The following DLC1 variants were observed in gnomAD, a reference collection of about 807,000 sequenced individuals.
DLC1 encodes the protein rho GTPase-activating protein 7.
A neutral mutation model predicts 140.3 loss-of-function variants in DLC1; 54 were observed. The observed-to-expected ratio is 0.38, with a 90% CI of 0.31 to 0.48. The LOEUF (loss-of-function observed/expected upper bound fraction) is 0.48, where lower values mean the gene tolerates loss of function less well. Among genes scored for constraint, DLC1 ranks in the 20% least tolerant of loss-of-function variants. The pLI is 0.96. For synonymous variants in DLC1, 986 were observed against 728.1 expected, an observed-to-expected ratio of 1.35 and a Z score of -5.70; for missense variants, 2,536 against 1,907.0, an observed-to-expected ratio of 1.33 and a Z score of -6.14.
intron 5 of DLC1, among the ~76,000 whole-genome samples, chr8:13,294,127 A>G (rs2117473664): frequency 6.6e-6 from 1 of 152,280 alleles, no homozygotes; most frequent in Non-Finnish European, 1.5e-5. Flanking sequence ...GTCTCCGCAA[A>G]CCACTGACCA....
rs577406536 is a variant in DLC1 at position 13,453,239 on chromosome 8, A to C, written c.1023+45810T>G. 1.1e-4 allele frequency among the ~76,000 whole-genome samples: 16 copies of C among 148,570 alleles called. No individual in the cohort carries two copies. In the South Asian group the frequency reaches 3.4e-3, roughly 31 times the overall value. ...GAATGTAATGTAATGATATATAAGC[A>C]AGCATTAAGAAGACTAAAGATTCAT... On this transcript the variant is annotated intron_variant, in intron 2 of 17. Coordinates refer to ENST00000276297, the MANE Select transcript of DLC1 (RefSeq NM_182643.3).
intron 4 of DLC1, among the ~76,000 whole-genome samples, chr8:13,328,000 C>A (rs1199679570): frequency 6.6e-6 from 1 of 152,158 alleles, no homozygotes; most frequent in African/African-American, 2.4e-5. Flanking sequence ...AGGTAAGAAT[C>A]TTGGCAAGAG....
chr8:13,350,152 A>G (rs963253323), intron 4 of DLC1, among the ~76,000 whole-genome samples: 1 of 152,222 alleles, frequency 6.6e-6, no homozygotes, highest in Non-Finnish European at 1.5e-5. Context: ...TTAGAGGACA[A>G]AAATAATACA....
intron 1 of DLC1, among the ~76,000 whole-genome samples, chr8:13,594,076 G>A (rs534157570): frequency 4.6e-5 from 7 of 152,138 alleles, no homozygotes; most frequent in East Asian, 1.9e-4. Flanking sequence ...TGGGAGGATC[G>A]CTTGAGTCCA....
intron 4 of DLC1, among the ~76,000 whole-genome samples, chr8:13,354,082 C>T (rs368177758): frequency 6.6e-6 from 1 of 151,706 alleles, no homozygotes; most frequent in Non-Finnish European, 1.5e-5. Flanking sequence ...TGGTTTTGCC[C>T]TTCAGACCTT....
chr8:13,172,384 G>A (rs1389869404), intron 5 of DLC1, among the ~76,000 whole-genome samples: 1 of 152,020 alleles, frequency 6.6e-6, no homozygotes, highest in African/African-American at 2.4e-5. Context: ...GTAGTGCTGG[G>A]GATTTTACAC....
At chr8:13,500,622 C>A (rs780837795) in intron 1 of DLC1, among the ~76,000 whole-genome samples, 1 of 152,128 alleles carries the variant, frequency 6.6e-6, no homozygotes, top group South Asian at 2.1e-4. Flanking sequence ...TGAATCACAG[C>A]GAAAGCCACC....
At chr8:13,471,514 G>A (rs963703745) in intron 2 of DLC1, among the ~76,000 whole-genome samples, 1 of 131,266 alleles carries the variant, frequency 7.6e-6, no homozygotes, top group African/African-American at 2.8e-5. Context: ...AGGAGGGAGG[G>A]AAAGGAGGGA....
At chr8:13,449,246 A>G (rs1003863867) in intron 2 of DLC1, among the ~76,000 whole-genome samples, 2 of 152,166 alleles carry the variant, frequency 1.3e-5, no homozygotes, top group Non-Finnish European at 2.9e-5. Flanking sequence ...GGAGATGTGG[A>G]GATTGGCACA....
intron 5 of DLC1, among the ~76,000 whole-genome samples, chr8:13,122,585 C>A (rs984806072): frequency 7.2e-5 from 11 of 151,886 alleles, no homozygotes; most frequent in African/African-American, 1.9e-4. Flanking sequence ...AAAAAACAAC[C>A]AACTGTTAAA....
intron 5 of DLC1, among the ~76,000 whole-genome samples, chr8:13,149,433 C>G (rs998510370): frequency 2.6e-5 from 4 of 152,310 alleles, no homozygotes; most frequent in Middle Eastern, 3.4e-3. Context: ...AACTATTTAA[C>G]TCAACATCTT....
intron 1 of DLC1, among the ~76,000 whole-genome samples, chr8:13,584,809 C>G (rs1805242194): frequency 6.6e-6 from 1 of 152,196 alleles, no homozygotes; most frequent in South Asian, 2.1e-4. Context: ...TGCACACACC[C>G]AGGCTCTTCC....
intron 5 of DLC1, among the ~76,000 whole-genome samples, chr8:13,300,508 C>A (rs769424417): frequency 1.3e-5 from 2 of 152,158 alleles, no homozygotes; most frequent in Non-Finnish European, 2.9e-5. Flanking sequence ...CCCCCTCCCC[C>A]AGTCTCCTGC....
rs55681527 is a variant in DLC1, at chr8:13,582,878, CTATATATATATATATATATATA to C, written c.-126+21637_-126+21658del. ...AGTTATGTTTACAATATACTGTGGT[CTATATATATATATATATATATA>C]TATATATATATATATATATGTGGTG... On this transcript the variant is annotated intron_variant, in intron 1 of 1. Coordinates refer to the DLC1 transcript ENST00000631382. 7.2e-4 allele frequency among the ~76,000 whole-genome samples: 74 copies of C among 103,080 alleles called. 5 individuals are homozygous for C. Among genetic ancestry groups the C allele is most frequent in the Admixed American group, 5.1e-3 (46 of 8,936 alleles). 67.6% of individuals were successfully genotyped at this position (103,080 alleles called of 152,430 possible).
At chr8:13,515,952 T>C (rs1802572600), upstream of DLC1, among the ~76,000 whole-genome samples, 1 of 152,158 alleles carries the variant, frequency 6.6e-6, no homozygotes, top group Non-Finnish European at 1.5e-5. Flanking sequence ...GAATCCTCTT[T>C]AGAGAATGTG....
At chr8:13,139,576 T>C (rs1822822190) in intron 5 of DLC1, among the ~76,000 whole-genome samples, 1 of 152,176 alleles carries the variant, frequency 6.6e-6, no homozygotes, top group African/African-American at 2.4e-5. Context: ...CGTACTGAAT[T>C]CTTAGTCCTG....
rs189211314 is a variant in DLC1, at chr8:13,363,445, T to C, written c.1314+30108A>G. The stretch of plus-strand genomic sequence containing the variant: ...ATGCCTGTTTAATTGATTAACAACA[T>C]TGAAGCTCAGATAACAAATTGGTCT... On this transcript the variant is annotated intron_variant, in intron 4 of 17. Coordinates refer to ENST00000276297, the MANE Select transcript of DLC1 (RefSeq NM_182643.3). Among the ~76,000 whole-genome samples the C allele has an allele frequency of 3.1e-3, 472 of 151,724 alleles. 3 individuals carry two copies. The highest frequency in any genetic ancestry group is 0.011 in the African/African-American group (455 of 41,366).
intron 5 of DLC1, among the ~76,000 whole-genome samples, chr8:13,255,388 T>C (rs1830178266): frequency 6.6e-6 from 1 of 152,326 alleles, no homozygotes; most frequent in South Asian, 2.1e-4. Context: ...CAGTGTCTGC[T>C]ATATAAAAGG....
intron 2 of DLC1, among the ~76,000 whole-genome samples, chr8:13,437,927 A>C (rs1050953539): frequency 4.6e-5 from 7 of 151,980 alleles, no homozygotes; most frequent in Non-Finnish European, 7.4e-5. Flanking sequence ...TGATTTTAAA[A>C]CTGTCCAGGA....
Sources: gnomAD v4.1 joint callset for allele counts (sites outside exome capture counted in the v4.1 genomes callset) on GRCh38, gnomAD v4.1.1 for gene constraint, MANE v1.5 for transcripts, NCBI Gene and HGNC (gene_info 2026-07-23, HGNC 2026-07-21) for gene names.